The following FIG4 variants were observed in gnomAD, a reference collection of about 807,000 sequenced individuals.
FIG4 encodes the protein polyphosphoinositide phosphatase.
Under a neutral mutation model 118.6 loss-of-function variants are expected in FIG4, and 112 were observed. The ratio of observed to expected loss-of-function variants is 0.94; its 90% CI spans 0.81 to 1.11. FIG4 has a LOEUF of 1.11. Among genes scored for constraint, FIG4 ranks in the 50% least tolerant of loss-of-function variants. The pLI, the probability that FIG4 is intolerant of heterozygous loss-of-function variation, is 0.00. For missense variants in FIG4, 969 were observed against 1,111.7 expected (o/e 0.87, Z 1.83); for synonymous variants, 369 against 381.2 (o/e 0.97, Z 0.37).
intron 18 of FIG4, among the ~76,000 whole-genome samples, chr6:109,786,911 C>T (rs560855383): frequency 6.6e-6 from 1 of 152,014 alleles, no homozygotes; most frequent in Non-Finnish European, 1.5e-5. Context: ...CTCTCTCCCC[C>T]ACACACACAC....
At chr6:109,752,514 T>G (rs1776740692) in intron 10 of FIG4, among the ~76,000 whole-genome samples, 1 of 152,126 alleles carries the variant, frequency 6.6e-6, no homozygotes, top group Admixed American at 6.5e-5. Context: ...TTTCCTGACA[T>G]TTTAATGATC....
chr6:109,707,749 A>G (rs543347302), intron 1 of FIG4, among the ~76,000 whole-genome samples: 71 of 151,936 alleles, frequency 4.7e-4, no homozygotes, highest in Non-Finnish European at 7.5e-4. Flanking sequence ...TACACCTTAT[A>G]TGTCCAATAG....
intron 1 of FIG4, among the ~76,000 whole-genome samples, chr6:109,692,355 A>G (rs1447544600): frequency 2.6e-5 from 4 of 152,232 alleles, no homozygotes; most frequent in South Asian, 2.1e-4. Context: ...GCTCTTCACT[A>G]TGTTATAGAG....
At chr6:109,758,548 G>T (rs558488919) in intron 10 of FIG4, among the ~76,000 whole-genome samples, 2 of 152,268 alleles carry the variant, frequency 1.3e-5, no homozygotes, top group South Asian at 2.1e-4. Flanking sequence ...ATAGGCATAG[G>T]CAAAGACTTC....
At chr6:109,768,831 CA>C (rs1777361427) in intron 15 of FIG4, among the ~76,000 whole-genome samples, 1 of 152,112 alleles carries the variant, frequency 6.6e-6, no homozygotes, top group Non-Finnish European at 1.5e-5. Context: ...GCTGCTGTAT[CA>C]AAACAGCACA....
Position 109,771,138 on chromosome 6 carries a change from ATGTTT to A in FIG4, c.1750+4250_1750+4254del, listed in dbSNP as rs1583709886. Among the ~76,000 whole-genome samples the A allele has an allele frequency of 2.0e-5, 3 of 152,348 alleles. No individual in the cohort carries two copies. In the East Asian group the frequency reaches 5.8e-4, roughly 29 times the overall value. On this transcript the variant is annotated intron_variant, in intron 15 of 22. Coordinates refer to ENST00000230124, the MANE Select transcript of FIG4 (RefSeq NM_014845.6). The stretch of plus-strand genomic sequence containing the variant: ...TAGCAGAAATAAAACAGTTGGAAAA[ATGTTT>A]TGTTTTAATAACGTTTGTTTTAATA...
At chr6:109,713,093 G>A (rs780177434) in intron 1 of FIG4, among the ~76,000 whole-genome samples, 34 of 152,184 alleles carry the variant, frequency 2.2e-4, no homozygotes, top group Non-Finnish European at 4.4e-4. Flanking sequence ...CTCGAGGTTA[G>A]GTATCCGATG....
chr6:109,735,352 A>G, intron 6 of FIG4, 54 bp downstream of exon 6: 1 of 1,480,786 alleles, frequency 6.8e-7, no homozygotes, highest in South Asian at 1.1e-5. Context: ...ATGAAGTGAT[A>G]TCTTATTAAA....
chr6:109,812,939 C>T (rs2128400714), intron 22 of FIG4, among the ~76,000 whole-genome samples: 1 of 152,228 alleles, frequency 6.6e-6, no homozygotes, highest in East Asian at 1.9e-4. Flanking sequence ...CGAAAAGGCA[C>T]TGAATCATTT....
chr6:109,788,477 A>G, intron 18 of FIG4, among the ~76,000 whole-genome samples: 1 of 152,246 alleles, frequency 6.6e-6, no homozygotes, highest in Non-Finnish European at 1.5e-5. Flanking sequence ...GAGAGCAGAA[A>G]TTAAGAAGCG....
At chr6:109,792,704 T>C in intron 21 of FIG4, 40 bp downstream of exon 21, 1 of 1,132,562 alleles carries the variant, frequency 8.8e-7, no homozygotes, top group South Asian at 1.3e-5. Flanking sequence ...AAAATGAATA[T>C]TTATAATTAC....
intron 1 of FIG4, among the ~76,000 whole-genome samples, chr6:109,704,989 G>T (rs1399772046): frequency 1.3e-5 from 2 of 152,114 alleles, no homozygotes; most frequent in Non-Finnish European, 2.9e-5. Flanking sequence ...TATCAGGAGT[G>T]GGGGAGGGAG....
intron 1 of FIG4, among the ~76,000 whole-genome samples, chr6:109,700,440 T>A (rs1774871942): frequency 6.6e-6 from 1 of 152,182 alleles, no homozygotes; most frequent in Admixed American, 6.5e-5. Context: ...TGAAAAAATG[T>A]TCAACTTGCA....
intron 22 of FIG4, among the ~76,000 whole-genome samples, chr6:109,803,005 A>C (rs1273349710): frequency 6.6e-6 from 1 of 152,206 alleles, no homozygotes; most frequent in African/African-American, 2.4e-5. Context: ...GTCAGAGCTT[A>C]GGTACCCCCT....
At chr6:109,753,977 T>C (rs1258176646) in intron 10 of FIG4, among the ~76,000 whole-genome samples, 3 of 152,202 alleles carry the variant, frequency 2.0e-5, no homozygotes, top group Non-Finnish European at 4.4e-5. Context: ...CAACACTATG[T>C]TGAATAGGAG....
At chr6:109,766,944 T>C (rs1777298354) in intron 15 of FIG4, 49 bp downstream of exon 15, 2 of 1,488,230 alleles carry the variant, frequency 1.3e-6, no homozygotes, top group Non-Finnish European at 1.9e-6. Flanking sequence ...GAAGTGCATT[T>C]TTTGTATGTC....
intron 7 of FIG4, among the ~76,000 whole-genome samples, chr6:109,741,004 A>G (rs1776306219): frequency 1.3e-5 from 2 of 152,202 alleles, no homozygotes. Context: ...CACTGTCACA[A>G]AAACAGCAAG....
At chr6:109,817,197 A>G (rs1445858705) in intron 22 of FIG4, among the ~76,000 whole-genome samples, 1 of 152,114 alleles carries the variant, frequency 6.6e-6, no homozygotes, top group African/African-American at 2.4e-5. Flanking sequence ...TTCAGAGCAG[A>G]CCCAGTACTG....
intron 10 of FIG4, among the ~76,000 whole-genome samples, chr6:109,750,321 AG>A (rs1776649838): frequency 6.6e-6 from 1 of 152,182 alleles, no homozygotes; most frequent in Admixed American, 6.5e-5. Context: ...CATGGCTGTT[AG>A]GGGGATCTTG....
Sources: allele counts gnomAD v4.1 joint callset (sites outside exome capture counted in the v4.1 genomes callset), GRCh38; gene constraint gnomAD v4.1.1; transcripts MANE v1.5; gene names NCBI Gene and HGNC (gene_info 2026-07-23, HGNC 2026-07-21).